Variants in NEBL observed in about 807,000 individuals in gnomAD.
NEBL encodes the protein nebulette, also known as LIM and SH3 protein 2.
In NEBL, 122 loss-of-function variants were observed where a neutral mutation model predicts 140.2. That is an observed-to-expected ratio of 0.87 (90% CI 0.75 to 1.01). NEBL has a LOEUF of 1.01. NEBL is among the 50% of genes least tolerant of loss of function. The pLI is 0.00. For missense variants in NEBL, 1,365 were observed against 1,231.3 expected (o/e 1.11, Z -1.62); for synonymous variants, 436 against 398.9 (o/e 1.09, Z -1.11).
At chr10:20,933,919 G>C (rs1834335599) in intron 4 of NEBL, among the ~76,000 whole-genome samples, 1 of 152,018 alleles carries the variant, frequency 6.6e-6, no homozygotes, top group Non-Finnish European at 1.5e-5. Flanking sequence ...CCAACTATTA[G>C]GAGTTTCTCA....
At chr10:20,853,336 C>T (rs1448738329) in intron 9 of NEBL, among the ~76,000 whole-genome samples, 1 of 152,048 alleles carries the variant, frequency 6.6e-6, no homozygotes, top group Non-Finnish European at 1.5e-5. Flanking sequence ...AACAGGGATG[C>T]CAAGTTTGGC....
At chr10:20,976,665 A>G (rs1475285248) in intron 3 of NEBL, among the ~76,000 whole-genome samples, 2 of 152,198 alleles carry the variant, frequency 1.3e-5, no homozygotes, top group African/African-American at 2.4e-5. Flanking sequence ...AAATTAATGT[A>G]GAAACAGAAA....
chr10:21,253,925 CAG>C (rs1455759354), intron 1 of NEBL, among the ~76,000 whole-genome samples: 1 of 152,116 alleles, frequency 6.6e-6, no homozygotes, highest in African/African-American at 2.4e-5. Flanking sequence ...TGAGAAACTT[CAG>C]AGAGTTTTAA....
At chr10:20,995,485 C>T (rs988152680) in intron 3 of NEBL, among the ~76,000 whole-genome samples, 2 of 152,078 alleles carry the variant, frequency 1.3e-5, no homozygotes, top group Non-Finnish European at 2.9e-5. Context: ...AGTAAAGATC[C>T]TCCAGTTCAG....
intron 27 of NEBL, 51 bp downstream of exon 27, chr10:20,787,151 A>C (rs528583035): frequency 4.7e-5 from 62 of 1,323,420 alleles, no homozygotes; most frequent in Non-Finnish European, 6.4e-5. Flanking sequence ...TACATGCTTG[A>C]GGGGAAATGG....
rs371675084 is a variant in NEBL at position 21,198,200 on chromosome 10, T to G, written n.349-25723A>C. Among the ~76,000 whole-genome samples the G allele has an allele frequency of 3.9e-5, 6 of 152,274 alleles. No individual in the cohort carries two copies. In the East Asian group the frequency reaches 9.7e-4, roughly 25 times the overall value. ...TCACAGCTGTCTGCTGCCTGGATAT[T>G]CCTAAATCCTTCAGCCTGCTAGGTC... is the stretch of plus-strand genomic sequence containing the variant. On this transcript the variant is annotated intron_variant and non_coding_transcript_variant, in intron 3 of 8. Transcript: ENST00000675702.
At position 21,118,575 on chromosome 10, in the gene NEBL, C is replaced by A. The variant is rs979898571; in HGVS notation, c.164+53808G>T. 5.3e-5 allele frequency among the ~76,000 whole-genome samples: 8 copies of A among 151,892 alleles called. No homozygotes were observed. In the South Asian group the frequency reaches 1.7e-3, roughly 32 times the overall value. On this transcript the variant is annotated intron_variant, in intron 2 of 6. Coordinates refer to the NEBL transcript ENST00000417816. ...TCTGGGGAAAGATTTTCCATAAATG[C>A]AACTGGCTAAATGAGCATTAAAAAT...
upstream of NEBL, among the ~76,000 whole-genome samples, chr10:21,175,801 A>T (rs1252381870): frequency 2.0e-5 from 3 of 152,238 alleles, no homozygotes; most frequent in African/African-American, 4.8e-5. Flanking sequence ...GAAAAAAAGT[A>T]TGTGATCGCC....
intron 1 of NEBL, among the ~76,000 whole-genome samples, chr10:21,285,210 G>C (rs910441334): frequency 2.0e-5 from 3 of 152,186 alleles, no homozygotes; most frequent in African/African-American, 7.2e-5. Context: ...GTAGATCATT[G>C]GTGCAGCTTG....
At chr10:20,971,664 T>A (rs373126112) in intron 3 of NEBL, among the ~76,000 whole-genome samples, 11 of 144,268 alleles carry the variant, frequency 7.6e-5, no homozygotes, top group African/African-American at 1.8e-4. Context: ...CCCAGGCTGG[T>A]GTGCAGTGGC....
intron 2 of NEBL, chr10:21,146,412 CACTCT>C (rs1300184447): frequency 9.5e-7 from 1 of 1,056,966 alleles, no homozygotes; most frequent in African/African-American, 2.2e-5. Flanking sequence ...AAAGCACAAA[CACTCT>C]CTCTCATATA....
At chr10:20,795,595 C>G (rs1432433217) in intron 26 of NEBL, among the ~76,000 whole-genome samples, 1 of 151,884 alleles carries the variant, frequency 6.6e-6, no homozygotes, top group Non-Finnish European at 1.5e-5. Flanking sequence ...ATTAATTTTT[C>G]TTTTTCCCAT....
At chr10:21,279,196 T>C (rs577459328) in intron 1 of NEBL, among the ~76,000 whole-genome samples, 6 of 152,232 alleles carry the variant, frequency 3.9e-5, no homozygotes, top group African/African-American at 1.4e-4. Flanking sequence ...CCAGCCTGGC[T>C]GCATTCCAAT....
intron 4 of NEBL, among the ~76,000 whole-genome samples, chr10:20,924,012 G>A (rs902931090): frequency 1.3e-5 from 2 of 151,980 alleles, no homozygotes; most frequent in Non-Finnish European, 2.9e-5. Context: ...AGCTTTACTG[G>A]GCCCCACATC....
chr10:21,094,449 C>T (rs904251449), intron 2 of NEBL, among the ~76,000 whole-genome samples: 4 of 136,614 alleles, frequency 2.9e-5, no homozygotes, highest in African/African-American at 8.4e-5. Context: ...TTGCAGTGAG[C>T]CGAGATTGTG....
Position 20,828,721 on chromosome 10 carries a change from GGA to G in NEBL, c.1672-89_1672-88del, listed in dbSNP as rs146479748. 383 of 839,076 alleles carry G rather than the reference GGA, an allele frequency of 4.6e-4. 1 individual carries two copies. Among genetic ancestry groups the G allele is most frequent in the Non-Finnish European group, 5.5e-4 (283 of 510,430 alleles). The allele number at this position is 839,076 out of a possible 1,614,324, so 52.0% of individuals were successfully genotyped here. A position where few individuals can be genotyped will look rare whatever the true frequency, so the allele number is the denominator to read the frequency against. ...GGGAGGGAGGCAGGAAAGGAGGAAGGGAGAGAGAGAGAGTAAAAAACTGTTTT... is the reference window on the plus strand; with the variant it reads ...GGGAGGGAGGCAGGAAAGGAGGAAGGGAGAGAGAGAGTAAAAAACTGTTTT... On this transcript the variant is annotated intron_variant, in intron 16 of 27. Transcript: ENST00000377122.
intron 2 of NEBL, among the ~76,000 whole-genome samples, chr10:21,150,497 A>G (rs1213635398): frequency 1.3e-5 from 2 of 152,268 alleles, no homozygotes; most frequent in African/African-American, 4.8e-5. Context: ...GAAGAAAAAC[A>G]TGAAGTCACA....
At chr10:21,074,362 A>G (rs11012506) in intron 2 of NEBL, among the ~76,000 whole-genome samples, 2 of 152,076 alleles carry the variant, frequency 1.3e-5, no homozygotes, top group African/African-American at 2.4e-5. Flanking sequence ...ATTGGCTTCT[A>G]TGGGATTCCT....
At chr10:21,068,616 C>T (rs745609884) in intron 2 of NEBL, among the ~76,000 whole-genome samples, 27 of 152,182 alleles carry the variant, frequency 1.8e-4, no homozygotes, top group Non-Finnish European at 3.4e-4. Context: ...CCATAGACCC[C>T]GGACCCATGG....
Sources: allele counts gnomAD v4.1 joint callset (sites outside exome capture counted in the v4.1 genomes callset), GRCh38; gene constraint gnomAD v4.1.1; transcripts MANE v1.5; gene names NCBI Gene and HGNC (gene_info 2026-07-23, HGNC 2026-07-21).